Variants in TTC19 observed in about 807,000 individuals in gnomAD.
TTC19 encodes tetratricopeptide repeat protein 19, mitochondrial.
A neutral mutation model predicts 49.5 loss-of-function variants in TTC19; 38 were observed. The observed-to-expected ratio is 0.77, with a 90% CI of 0.59 to 1.01. The LOEUF is 1.01. Among genes scored for constraint, TTC19 ranks in the 50% least tolerant of loss-of-function variants. The pLI is 0.00. For missense variants in TTC19, 475 were observed against 477.7 expected (o/e 0.99, Z 0.05); for synonymous variants, 204 against 185.2 (o/e 1.10, Z -0.83).
intron 2 of TTC19, chr17:16,040,586 T>A: frequency 9.3e-7 from 1 of 1,070,254 alleles, no homozygotes; most frequent in Non-Finnish European, 1.4e-6. Context: ...AAAATTAATC[T>A]TTTTATTTTT....
At chr17:16,000,086 G>A (rs763914668) in intron 1 of TTC19, 32 bp from the exon 2 acceptor site, 18 of 1,432,618 alleles carry the variant, frequency 1.3e-5, no homozygotes, top group South Asian at 7.1e-5. Context: ...GGCGCGGGCC[G>A]GGCCCGATGA....
intron 2 of TTC19, chr17:16,000,549 G>A (rs753977701): frequency 3.5e-6 from 2 of 578,384 alleles, no homozygotes; most frequent in Non-Finnish European, 4.9e-6. Flanking sequence ...CAATTAACCA[G>A]CCTATCTGAA....
Position 16,000,020 on chromosome 17 carries a change from C to T in TTC19, c.172C>T (p.Pro58Ser), listed in dbSNP as rs1970666460. Residue 58 changes from proline (P) to serine (S), a missense_variant, in exon 1 of 10, where the codon CCG becomes TCG. Transcript: ENST00000261647. ...GCACGGCCGGGGCCCAGGCCTGCTG[C>T]CGCTGCTGGCAGGTGAGGGGCGCGG... ...APHGRGPGLL[P>S]LLAALAWFSR... 1 of 1,242,426 alleles carries T rather than the reference C, an allele frequency of 8.0e-7. No individual in the cohort carries two copies. Among genetic ancestry groups the T allele is most frequent in the East Asian group, 3.5e-5 (1 of 28,544 alleles). The allele number at this position is 1,242,426 out of a possible 1,614,324, so 77.0% of individuals were successfully genotyped here.
chr17:16,009,876 A>G (rs2151657045), intron 7 of TTC19, among the ~76,000 whole-genome samples: 1 of 152,314 alleles, frequency 6.6e-6, no homozygotes, highest in South Asian at 2.1e-4. Context: ...ACAAAACAGT[A>G]TAGTTAGTAT....
intron 5 of TTC19, 143 bp from the exon 6 acceptor site, chr17:16,004,058 G>C: frequency 9.0e-7 from 1 of 1,112,730 alleles, no homozygotes. Flanking sequence ...CAGCATGCTT[G>C]CCAAGGAATT....
downstream of TTC19, chr17:16,030,350 A>G (rs988457476): frequency 5.5e-5 from 12 of 219,844 alleles, no homozygotes; most frequent in Non-Finnish European, 1.0e-4. Context: ...CACAGTTCAA[A>G]CCCGTGTTGT....
At chr17:16,019,497 C>T (rs1268490950) in intron 7 of TTC19, among the ~76,000 whole-genome samples, 1 of 152,242 alleles carries the variant, frequency 6.6e-6, no homozygotes, top group Admixed American at 6.5e-5. Flanking sequence ...CACAGAGGCC[C>T]TGTTTGCTTG....
In TTC19 at chr17:16,028,176, G is replaced by C. The variant is rs1280141959; in HGVS notation, c.*654G>C. The C allele has an allele frequency of 1.1e-5, 5 of 453,908 alleles. No individual in the cohort carries two copies. The highest frequency in any genetic ancestry group is 7.8e-5 in the South Asian group (5 of 64,470). The allele number at this position is 453,908 out of a possible 1,614,324, so 28.1% of individuals were successfully genotyped here. On this transcript the variant is annotated 3_prime_UTR_variant, in exon 10 of 10. Transcript: ENST00000261647. ...CTGGTTATATAAAACTAAAAATGGG[G>C]GTGTTTATATAAAACTAAAAACTAA...
At chr17:16,007,235 C>G (rs950823978) in intron 7 of TTC19, among the ~76,000 whole-genome samples, 1 of 152,162 alleles carries the variant, frequency 6.6e-6, no homozygotes, top group Non-Finnish European at 1.5e-5. Flanking sequence ...TTCCAAGACC[C>G]CCAGCAGATG....
chr17:16,041,560 C>G (rs1257018133), intron 2 of TTC19, among the ~76,000 whole-genome samples: 3 of 151,086 alleles, frequency 2.0e-5, no homozygotes, highest in South Asian at 2.1e-4. Context: ...ATTATAGGCC[C>G]CCCGCCACCA....
chr17:16,017,202 T>C (rs1361554765), intron 7 of TTC19, among the ~76,000 whole-genome samples: 2 of 152,206 alleles, frequency 1.3e-5, no homozygotes, highest in Non-Finnish European at 2.9e-5. Context: ...GTGTATCTTT[T>C]ATAGAAGGCT....
chr17:16,044,427 T>C, intron 2 of TTC19: 1 of 471,638 alleles, frequency 2.1e-6, no homozygotes. Context: ...AGGCCCCCAC[T>C]TTCCTTTCTT....
At chr17:16,029,662 G>GT (rs1384893813), downstream of TTC19, 3 of 167,462 alleles carry the variant, frequency 1.8e-5, no homozygotes, top group East Asian at 3.3e-4. Context: ...GTGAACCACA[G>GT]TAAGTTGTCA....
downstream of TTC19, among the ~76,000 whole-genome samples, chr17:16,032,905 C>G (rs531275339): frequency 6.6e-6 from 1 of 152,184 alleles, no homozygotes; most frequent in Non-Finnish European, 1.5e-5. Context: ...GACTGAGGGG[C>G]AGCAGGATGC....
At chr17:16,026,064 T>TA (rs1365808498) in intron 8 of TTC19, among the ~76,000 whole-genome samples, 1 of 151,994 alleles carries the variant, frequency 6.6e-6, no homozygotes, top group Admixed American at 6.6e-5. Flanking sequence ...GTAGCCAAAT[T>TA]AAAAAAACTC....
chr17:16,003,493 C>A (rs1597450537), intron 4 of TTC19, among the ~76,000 whole-genome samples: 1 of 151,580 alleles, frequency 6.6e-6, no homozygotes, highest in Non-Finnish European at 1.5e-5. Flanking sequence ...CAGGCTAAAT[C>A]GAGGGGACTC....
chr17:16,028,902 A>G lies in TTC19; in HGVS notation c.*1380A>G, dbSNP rs1401242256. 1 of 419,710 alleles carries G rather than the reference A, an allele frequency of 2.4e-6. No individual in the cohort carries two copies. Among genetic ancestry groups the G allele is most frequent in the Non-Finnish European group, 4.6e-6 (1 of 217,014 alleles). 26.0% of individuals were successfully genotyped at this position (419,710 alleles called of 1,614,324 possible). ...CTTGAGGTCCAAATCCTCAGGGATT[A>G]GACTAAAACTAGAGTTTTGTATGTT... is the stretch of plus-strand genomic sequence containing the variant. On this transcript the variant is annotated 3_prime_UTR_variant, in exon 10 of 10. Coordinates refer to ENST00000261647, the MANE Select transcript of TTC19 (RefSeq NM_017775.4).
At chr17:16,013,334 T>A (rs1049666038) in intron 7 of TTC19, among the ~76,000 whole-genome samples, 9 of 152,250 alleles carry the variant, frequency 5.9e-5, no homozygotes, top group African/African-American at 2.2e-4. Flanking sequence ...TCATCTTTAA[T>A]AAATACTGAG....
In TTC19 at chr17:16,029,224, G is replaced by A. The variant is rs781089707; in HGVS notation, c.*1702G>A. The A allele has an allele frequency of 2.4e-5, 11 of 453,584 alleles. No homozygotes were observed. The highest frequency in any genetic ancestry group is 1.8e-4 in the African/African-American group (9 of 49,890). The allele number at this position is 453,584 out of a possible 1,614,324, so 28.1% of individuals were successfully genotyped here. ...CCACAGTGACTCAGCTCATGGTCTC[G>A]TTGTTGGAAACACTAGGAGTTTTCA... On this transcript the variant is annotated 3_prime_UTR_variant, in exon 10 of 10. Transcript: ENST00000261647.
Sources: gnomAD v4.1 joint callset for allele counts (sites outside exome capture counted in the v4.1 genomes callset) on GRCh38, gnomAD v4.1.1 for gene constraint, MANE v1.5 for transcripts, NCBI Gene and HGNC (gene_info 2026-07-23, HGNC 2026-07-21) for gene names.